The following KCNIP4 variants were observed in gnomAD, a reference collection of about 807,000 sequenced individuals.
The protein encoded by KCNIP4 is potassium voltage-gated channel interacting protein 4, also known as Kv channel-interacting protein 4.
A neutral mutation model predicts 34.0 loss-of-function variants in KCNIP4; 12 were observed. The observed-to-expected ratio is 0.35, with a 90% confidence interval of 0.23 to 0.57. The LOEUF (loss-of-function observed/expected upper bound fraction) is 0.57, where lower values mean the gene tolerates loss of function less well. Among genes scored for constraint, KCNIP4 ranks in the 20% least tolerant of loss-of-function variants. KCNIP4 has a pLI of 0.83. For synonymous variants in KCNIP4, 124 were observed against 102.2 expected (o/e 1.21, Z -1.29); for missense variants, 238 against 311.7 (o/e 0.76, Z 1.78).
intron 1 of KCNIP4, among the ~76,000 whole-genome samples, chr4:21,310,695 G>A (rs1427235052): frequency 3.3e-5 from 5 of 151,662 alleles, no homozygotes; most frequent in African/African-American, 4.8e-5. Context: ...GCAGTGGCGC[G>A]ATTTCGGGTC....
At chr4:20,754,525 C>T (rs906046949) in intron 4 of KCNIP4, among the ~76,000 whole-genome samples, 1 of 152,068 alleles carries the variant, frequency 6.6e-6, no homozygotes, top group Non-Finnish European at 1.5e-5. Flanking sequence ...CCTTTTCTGG[C>T]CTTATGTAAG....
At chr4:20,876,074 G>A (rs1723990875) in intron 2 of KCNIP4, among the ~76,000 whole-genome samples, 1 of 152,184 alleles carries the variant, frequency 6.6e-6, no homozygotes, top group Non-Finnish European at 1.5e-5. Flanking sequence ...CCCCTGGAAT[G>A]AAGCTCTAAT....
At chr4:21,393,372 C>T (rs191430750) in intron 1 of KCNIP4, among the ~76,000 whole-genome samples, 3 of 152,044 alleles carry the variant, frequency 2.0e-5, no homozygotes, top group East Asian at 3.9e-4. Context: ...ACAAAGTTCA[C>T]ATTGTGTGGG....
intron 1 of KCNIP4, among the ~76,000 whole-genome samples, chr4:21,510,077 C>CTAAA (rs1376186121): frequency 7.4e-5 from 7 of 94,984 alleles, no homozygotes; most frequent in African/African-American, 4.5e-4. Context: ...AACTCCATCT[C>CTAAA]CAAAAAAAAA....
intron 1 of KCNIP4, among the ~76,000 whole-genome samples, chr4:21,487,557 C>T (rs374960759): frequency 5.7e-4 from 87 of 152,210 alleles, no homozygotes; most frequent in South Asian, 2.1e-3. Context: ...GTGCAGTCCA[C>T]ATTTAAGGAA....
chr4:21,292,442 C>T (rs1763584222), intron 1 of KCNIP4, among the ~76,000 whole-genome samples: 1 of 152,122 alleles, frequency 6.6e-6, no homozygotes, highest in Non-Finnish European at 1.5e-5. Flanking sequence ...GAGTCTTTCC[C>T]TTCTCTTTGA....
At chr4:20,905,173 A>C (rs1727602695) in intron 1 of KCNIP4, among the ~76,000 whole-genome samples, 1 of 152,182 alleles carries the variant, frequency 6.6e-6, no homozygotes, top group Non-Finnish European at 1.5e-5. Context: ...GAGGCTGGAC[A>C]TCCAAGATGT....
intron 1 of KCNIP4, among the ~76,000 whole-genome samples, chr4:21,536,651 C>T (rs1560497511): frequency 1.3e-5 from 2 of 151,870 alleles, no homozygotes; most frequent in African/African-American, 2.4e-5. Flanking sequence ...TGTGGTGGTG[C>T]GTATCTGTAA....
intron 1 of KCNIP4, among the ~76,000 whole-genome samples, chr4:21,320,458 A>C (rs1355521045): frequency 6.6e-6 from 1 of 152,174 alleles, no homozygotes; most frequent in Admixed American, 6.5e-5. Context: ...TATTGCTAAC[A>C]AATTGTGTTG....
At chr4:21,862,438 A>G (rs115613768) in intron 1 of KCNIP4, among the ~76,000 whole-genome samples, 1,908 of 152,332 alleles carry the variant, frequency 0.013, 36 homozygotes, top group African/African-American at 0.043. Flanking sequence ...ATAAGAATAC[A>G]TAAGTAAAAT....
chr4:21,591,965 A>G (rs1373994163), intron 1 of KCNIP4, among the ~76,000 whole-genome samples: 3 of 152,116 alleles, frequency 2.0e-5, no homozygotes, highest in Non-Finnish European at 4.4e-5. Flanking sequence ...AAAGCCACAA[A>G]TACAGTTCTA....
intron 1 of KCNIP4, among the ~76,000 whole-genome samples, chr4:21,930,142 C>T (rs1387733368): frequency 1.3e-5 from 2 of 152,098 alleles, no homozygotes; most frequent in African/African-American, 2.4e-5. Context: ...GCAAGTATCC[C>T]AACCTCAATA....
intron 1 of KCNIP4, among the ~76,000 whole-genome samples, chr4:21,778,695 T>A (rs1363546967): frequency 6.7e-6 from 1 of 148,630 alleles, no homozygotes; most frequent in Non-Finnish European, 1.5e-5. Flanking sequence ...TATCCTTTGA[T>A]ACAAATTAAG....
rs28525408 is a variant in KCNIP4, at chr4:21,284,582, G to C, written c.62-401873C>G. 6.3e-3 allele frequency among the ~76,000 whole-genome samples: 954 copies of C among 152,232 alleles called. 13 individuals are homozygous for C. The highest frequency in any genetic ancestry group is 0.022 in the African/African-American group (895 of 41,526). On this transcript the variant is annotated intron_variant, in intron 1 of 8. Coordinates refer to ENST00000382152, the MANE Select transcript of KCNIP4 (RefSeq NM_025221.6). ...ATGTAGGAAGGTAAAAGAGGGGAAGGGATAGGAGCTAAGATTTTTCAAGGG... is the reference window on the plus strand; with the variant it reads ...ATGTAGGAAGGTAAAAGAGGGGAAGCGATAGGAGCTAAGATTTTTCAAGGG...
At chr4:21,562,218 A>C (rs918964207) in intron 1 of KCNIP4, among the ~76,000 whole-genome samples, 1 of 119,130 alleles carries the variant, frequency 8.4e-6, no homozygotes, top group African/African-American at 3.0e-5. Flanking sequence ...CCAAAGGTTT[A>C]ATTTAAAAAA....
In KCNIP4 at chr4:21,493,822, T is replaced by C. The variant is rs1007178419; in HGVS notation, c.61+454749A>G. Among the ~76,000 whole-genome samples the C allele has an allele frequency of 3.3e-5, 5 of 152,298 alleles. No individual in the cohort carries two copies. In the South Asian group the frequency reaches 1.0e-3, roughly 32 times the overall value. On this transcript the variant is annotated intron_variant, in intron 1 of 8. Transcript: ENST00000382152. Reference sequence around the variant, plus strand: ...TCCACAAAGACATTTGGCTTCTCTTTAATAGGGTGAATGGGAGTTCAAATA... The same window carrying C: ...TCCACAAAGACATTTGGCTTCTCTTCAATAGGGTGAATGGGAGTTCAAATA...
intron 1 of KCNIP4, among the ~76,000 whole-genome samples, chr4:21,034,131 G>A (rs1371365271): frequency 6.6e-6 from 1 of 152,046 alleles, no homozygotes; most frequent in East Asian, 1.9e-4. Flanking sequence ...TAAAACCTAA[G>A]CAGTTGGCAG....
intron 1 of KCNIP4, among the ~76,000 whole-genome samples, chr4:21,521,525 C>T (rs917822216): frequency 6.6e-6 from 1 of 152,098 alleles, no homozygotes; most frequent in Admixed American, 6.6e-5. Flanking sequence ...CCTAGGACTA[C>T]TTGCCATGCC....
intron 1 of KCNIP4, among the ~76,000 whole-genome samples, chr4:21,370,470 C>A (rs1720229704): frequency 6.9e-6 from 1 of 145,248 alleles, no homozygotes; most frequent in African/African-American, 2.8e-5. Context: ...ATTAAAAACA[C>A]ATGATTAAGA....
Sources: allele counts gnomAD v4.1 joint callset (sites outside exome capture counted in the v4.1 genomes callset), GRCh38; gene constraint gnomAD v4.1.1; transcripts MANE v1.5; gene names NCBI Gene and HGNC (gene_info 2026-07-23, HGNC 2026-07-21).